The following COL5A2 variants were observed in gnomAD, a reference collection of about 807,000 sequenced individuals.
The protein encoded by COL5A2 is collagen type V alpha 2 chain.
A neutral mutation model predicts 208.2 loss-of-function variants in COL5A2; 23 were observed. The observed-to-expected ratio is 0.11, with a 90% CI of 0.08 to 0.16. The LOEUF (loss-of-function observed/expected upper bound fraction) is 0.16. Among genes scored for constraint, COL5A2 ranks in the 10% least tolerant of loss-of-function variants. The pLI, the probability that COL5A2 is intolerant of heterozygous loss-of-function variation, is 1.00. For missense variants in COL5A2, 1,590 were observed against 1,956.4 expected (o/e 0.81, Z 3.53); for synonymous variants, 625 against 628.5 (o/e 0.99, Z 0.08).
chr2:189,252,997 T>G, the COL5A2 span, among the ~76,000 whole-genome samples: 1 of 152,164 alleles, frequency 6.6e-6, no homozygotes, highest in Admixed American at 6.5e-5. Flanking sequence ...AACTGAACAT[T>G]GTTATAACCA....
chr2:189,230,386 G>A, the COL5A2 span, among the ~76,000 whole-genome samples: 1 of 151,740 alleles, frequency 6.6e-6, no homozygotes, highest in Non-Finnish European at 1.5e-5. Context: ...TCAAAAGGCA[G>A]CCCACAGAAT....
At chr2:189,366,304 T>C in the COL5A2 span, among the ~76,000 whole-genome samples, 1 of 152,168 alleles carries the variant, frequency 6.6e-6, no homozygotes, top group Non-Finnish European at 1.5e-5. Flanking sequence ...ATTGCTTCCA[T>C]GAACTATTAT....
the COL5A2 span, among the ~76,000 whole-genome samples, chr2:189,382,398 A>AT: frequency 3.3e-5 from 5 of 152,208 alleles, no homozygotes; most frequent in East Asian, 5.8e-4. Flanking sequence ...TAAAATAAAG[A>AT]TTTTTTAAAG....
chr2:189,309,482 C>T, the COL5A2 span, among the ~76,000 whole-genome samples: 1 of 152,200 alleles, frequency 6.6e-6, no homozygotes, highest in Non-Finnish European at 1.5e-5. Flanking sequence ...CGCATGCAGA[C>T]TCCCCACCCC....
intron 48 of COL5A2, 28 bp from the exon 49 acceptor site, chr2:189,042,801 G>T: frequency 6.3e-7 from 1 of 1,593,872 alleles, no homozygotes; most frequent in Non-Finnish European, 8.6e-7. Flanking sequence ...AAAAAATGTT[G>T]CCAAAATATT....
the COL5A2 span, among the ~76,000 whole-genome samples, chr2:189,292,695 G>A: frequency 6.6e-6 from 1 of 152,304 alleles, no homozygotes; most frequent in African/African-American, 2.4e-5. Flanking sequence ...AGTCAGTGTG[G>A]CGATTCCTCA....
the COL5A2 span, among the ~76,000 whole-genome samples, chr2:189,323,373 G>A: frequency 1.3e-5 from 2 of 152,176 alleles, no homozygotes; most frequent in African/African-American, 4.8e-5. Context: ...AAAAGAGGAA[G>A]TCAAATTGTC....
intron 1 of COL5A2, among the ~76,000 whole-genome samples, chr2:189,170,014 G>T (rs556607055): frequency 6.6e-6 from 1 of 152,316 alleles, no homozygotes; most frequent in South Asian, 2.1e-4. Context: ...ACCACACCTG[G>T]CCTGTTATTA....
intron 1 of COL5A2, among the ~76,000 whole-genome samples, chr2:189,219,354 T>A (rs769498783): frequency 2.0e-5 from 3 of 152,192 alleles, no homozygotes; most frequent in Non-Finnish European, 4.4e-5. Context: ...ATATTTGTAT[T>A]TGTCAGGTTT....
the COL5A2 span, among the ~76,000 whole-genome samples, chr2:189,438,295 GAAAA>G: frequency 6.6e-6 from 1 of 151,582 alleles, no homozygotes; most frequent in Non-Finnish European, 1.5e-5. Flanking sequence ...GTAACTCTGG[GAAAA>G]AAAGAGTTTG....
At chr2:189,095,332 C>T (rs973307350) in intron 6 of COL5A2, among the ~76,000 whole-genome samples, 1 of 152,090 alleles carries the variant, frequency 6.6e-6, no homozygotes, top group Non-Finnish European at 1.5e-5. Flanking sequence ...ATCTTGAAAT[C>T]GGTGTAGGCA....
rs558404005 is a variant in COL5A2 at position 189,039,430 on chromosome 2, G to A, written c.3767C>T (p.Ala1256Val). 4.3e-6 allele frequency: 7 copies of A among 1,613,980 alleles called. No homozygotes were observed. Among genetic ancestry groups the A allele is most frequent in the African/African-American group, 4.0e-5 (3 of 74,986 alleles). Reference protein sequence around the residue: ...DPLPEFTEDQAAPDDKNKTDP... With the variant: ...DPLPEFTEDQVAPDDKNKTDP... ...CGTTTTGTTTTTGTCATCAGGAGCCGCCTGATCTTCAGTAAACTCAGGAAG... is the reference window on the plus strand; with the variant it reads ...CGTTTTGTTTTTGTCATCAGGAGCCACCTGATCTTCAGTAAACTCAGGAAG... The change falls in exon 51 of 54, where the codon GCG becomes GTG. Residue 1256 changes from alanine (A) to valine (V), a missense_variant. Transcript: ENST00000374866.
chr2:189,043,179 G>A lies in COL5A2; in HGVS notation c.3443C>T (p.Thr1148Ile), dbSNP rs762080305. 6.2e-7 allele frequency: 1 copy of A among 1,613,832 alleles called. No individual in the cohort carries two copies. Among genetic ancestry groups the A allele is most frequent in the Non-Finnish European group, 8.5e-7 (1 of 1,179,788 alleles). ...AGGGCCAGGAAGACCCTGAAGACCA[G>A]TAAAGCCTCTGTGGCCCTTCTGACC... ...DRGQKGHRGFTGLQGLPGPPG... is the reference protein window; with the variant it reads ...DRGQKGHRGFIGLQGLPGPPG... Residue 1148 changes from threonine to isoleucine, a missense_variant, in exon 48 of 54, where the codon ACT becomes ATT. Physicochemically the swap from Thr to Ile is moderately conservative, Grantham distance 89. Coordinates refer to ENST00000374866, the MANE Select transcript of COL5A2 (RefSeq NM_000393.5).
At chr2:189,165,822 C>T (rs969042506) in intron 1 of COL5A2, among the ~76,000 whole-genome samples, 1 of 152,214 alleles carries the variant, frequency 6.6e-6, no homozygotes, top group Non-Finnish European at 1.5e-5. Context: ...TGGGAAGCTC[C>T]CAAAATAACA....
At chr2:189,142,419 A>G (rs1365269679) in intron 1 of COL5A2, among the ~76,000 whole-genome samples, 1 of 152,066 alleles carries the variant, frequency 6.6e-6, no homozygotes, top group African/African-American at 2.4e-5. Context: ...GTTTTGTTAG[A>G]CTAAAATCTA....
chr2:189,103,995 T>A (rs1487436652), intron 3 of COL5A2, among the ~76,000 whole-genome samples: 3 of 152,058 alleles, frequency 2.0e-5, no homozygotes, highest in Non-Finnish European at 4.4e-5. Flanking sequence ...AATAAAAGGT[T>A]AATCAGACAT....
chr2:189,147,918 G>A (rs1266684033), intron 1 of COL5A2, among the ~76,000 whole-genome samples: 1 of 152,100 alleles, frequency 6.6e-6, no homozygotes, highest in African/African-American at 2.4e-5. Flanking sequence ...AAATGAGTTG[G>A]TGGAGAATTT....
At chr2:189,420,051 GGGAA>G in the COL5A2 span, among the ~76,000 whole-genome samples, 95 of 142,756 alleles carry the variant, frequency 6.7e-4, no homozygotes, top group African/African-American at 1.1e-3. Flanking sequence ...AAGAAAGAGA[GGGAA>G]GGAAGGAAGG....
chr2:189,362,422 G>A, the COL5A2 span, among the ~76,000 whole-genome samples: 1 of 152,026 alleles, frequency 6.6e-6, no homozygotes, highest in East Asian at 1.9e-4. Context: ...TTTACCAGCA[G>A]CATTCTGTCA....
Sources: gnomAD v4.1 joint callset for allele counts (sites outside exome capture counted in the v4.1 genomes callset) on GRCh38, gnomAD v4.1.1 for gene constraint, MANE v1.5 for transcripts, NCBI Gene and HGNC (gene_info 2026-07-23, HGNC 2026-07-21) for gene names.